Variants in DCTN5 observed in about 807,000 individuals in gnomAD.
DCTN5 encodes the protein dynactin subunit 5.
In DCTN5, 14 loss-of-function variants were observed where a neutral mutation model predicts 23.5. The observed-to-expected ratio is 0.60, with a 90% CI of 0.39 to 0.93. The LOEUF is 0.93. Among genes scored for constraint, DCTN5 ranks in the 40% least tolerant of loss-of-function variants. The pLI, the probability that DCTN5 is intolerant of heterozygous loss-of-function variation, is 0.00. For missense variants in DCTN5, 156 were observed against 225.9 expected (o/e 0.69, Z 1.98); for synonymous variants, 67 against 79.6 (o/e 0.84, Z 0.84).
rs1968006648 is a variant in DCTN5, at chr16:23,671,480, G to C, written c.*4336G>C. On this transcript the variant is annotated 3_prime_UTR_variant, in exon 6 of 6. Transcript: ENST00000300087. ...CACCCTTCCTTGTTTTGTATCTATG[G>C]GGTGCAAACATTTAATCCTCCCAAC... 1.3e-5 allele frequency: 2 copies of C among 152,112 alleles called. No individual in the cohort carries two copies. The highest frequency in any genetic ancestry group is 2.4e-5 in the African/African-American group (1 of 41,414). 9.4% of individuals were successfully genotyped at this position (152,112 alleles called of 1,614,324 possible).
chr16:23,644,615 T>C (rs984468936), intron 2 of DCTN5, among the ~76,000 whole-genome samples: 3 of 151,684 alleles, frequency 2.0e-5, no homozygotes, highest in Admixed American at 6.6e-5. Flanking sequence ...TTTGTATTTT[T>C]AGTAGAGACA....
rs1968075263 is a variant in DCTN5, at chr16:23,675,665, A to C, written c.*8521A>C. 1 of 152,190 alleles carries C rather than the reference A, an allele frequency of 6.6e-6. No homozygotes were observed. The highest frequency in any genetic ancestry group is 2.1e-4 in the South Asian group (1 of 4,826). 9.4% of individuals were successfully genotyped at this position (152,190 alleles called of 1,614,324 possible). A position where few individuals can be genotyped will look rare whatever the true frequency, so the allele number is the denominator to read the frequency against. Reference sequence around the variant, plus strand: ...TTTTGTAATATTGGAGAAAATAATTAAAGCCTGGCACCTGGGGAGGCTTGA... The same window carrying C: ...TTTTGTAATATTGGAGAAAATAATTCAAGCCTGGCACCTGGGGAGGCTTGA... On this transcript the variant is annotated 3_prime_UTR_variant, in exon 6 of 6. Coordinates refer to ENST00000300087, the MANE Select transcript of DCTN5 (RefSeq NM_032486.4).
chr16:23,642,828 T>C, intron 1 of DCTN5, 127 bp from the exon 2 acceptor site: 1 of 749,832 alleles, frequency 1.3e-6, no homozygotes, highest in South Asian at 1.6e-5. Context: ...TATCCTGGAC[T>C]CACTCCATTG....
chr16:23,645,127 A>ATT (rs1967421100), intron 2 of DCTN5, among the ~76,000 whole-genome samples: 1 of 27,118 alleles, frequency 3.7e-5, no homozygotes, highest in African/African-American at 2.0e-4. Flanking sequence ...ATATATATAT[A>ATT]TATATATATA....
chr16:23,647,764 T>A (rs145094945), intron 2 of DCTN5, among the ~76,000 whole-genome samples: 202 of 152,290 alleles, frequency 1.3e-3, no homozygotes, highest in Non-Finnish European at 2.5e-3. Context: ...TGCCTCAGCC[T>A]CCCAAAGTGC....
chr16:23,648,344 CTTTTTTTTTTTT>C lies in DCTN5; in HGVS notation c.117+5332_117+5343del, dbSNP rs960786045. On this transcript the variant is annotated intron_variant, in intron 2 of 5. Transcript: ENST00000300087. Reference sequence around the variant, plus strand: ...GCTGGCTAATTTTTTTTTCTTTTTTCTTTTTTTTTTTTTTTTTTTTTTAGAGACACAGTCTCG... The same window carrying C: ...GCTGGCTAATTTTTTTTTCTTTTTTCTTTTTTTTTTAGAGACACAGTCTCG... Among the ~76,000 whole-genome samples, 5 of 105,524 alleles carry C rather than the reference CTTTTTTTTTTTT, an allele frequency of 4.7e-5. No homozygotes were observed. In the East Asian group the frequency reaches 7.9e-4, roughly 17 times the overall value. 69.2% of individuals were successfully genotyped at this position (105,524 alleles called of 152,430 possible).
chr16:23,669,449 T>C lies in DCTN5; in HGVS notation c.*2305T>C, dbSNP rs1206930876. On this transcript the variant is annotated 3_prime_UTR_variant, in exon 6 of 6. Transcript: ENST00000300087. ...AGCTCCCCTTTGCTGACAGAACTGCTGGATTTGGTTCTCATTGGTCCAGAC... is the reference window on the plus strand; with the variant it reads ...AGCTCCCCTTTGCTGACAGAACTGCCGGATTTGGTTCTCATTGGTCCAGAC... The C allele has an allele frequency of 6.6e-6, 1 of 152,366 alleles. No homozygotes were observed. Among genetic ancestry groups the C allele is most frequent in the Non-Finnish European group, 1.5e-5 (1 of 68,156 alleles). The allele number at this position is 152,366 out of a possible 1,614,324, so 9.4% of individuals were successfully genotyped here. A position where few individuals can be genotyped will look rare whatever the true frequency, so the allele number is the denominator to read the frequency against.
chr16:23,641,910 C>T (rs925351730), intron 1 of DCTN5, among the ~76,000 whole-genome samples: 2 of 152,004 alleles, frequency 1.3e-5, no homozygotes, highest in Non-Finnish European at 2.9e-5. Context: ...TGTTAACTTG[C>T]GCTAAAAACG....
At chr16:23,649,837 C>CAA (rs1175500177) in intron 2 of DCTN5, among the ~76,000 whole-genome samples, 42 of 55,672 alleles carry the variant, frequency 7.5e-4, no homozygotes, top group Middle Eastern at 8.9e-3. Flanking sequence ...GACTCTGTCT[C>CAA]AAAAAAAAAA....
intron 2 of DCTN5, among the ~76,000 whole-genome samples, chr16:23,658,234 T>C (rs1967746530): frequency 6.6e-6 from 1 of 152,212 alleles, no homozygotes; most frequent in Non-Finnish European, 1.5e-5. Context: ...AGATCTGCTA[T>C]AGGTGTTCTC....
intron 2 of DCTN5, among the ~76,000 whole-genome samples, chr16:23,646,282 G>A (rs896564644): frequency 2.6e-5 from 4 of 151,978 alleles, no homozygotes; most frequent in African/African-American, 9.7e-5. Context: ...ATATTGTGTT[G>A]TCTTTTTCTT....
In DCTN5 at chr16:23,658,444, ACT is replaced by A. The variant is rs1280823018; in HGVS notation, c.118-60_118-59del. ...ACTCAGAATCAGTATCTCGTTATCT[ACT>A]CTTTTTTTGTTACGTCTTAGGCTAT... On this transcript the variant is annotated intron_variant, in intron 2 of 5. Transcript: ENST00000300087. 4.3e-5 allele frequency: 44 copies of A among 1,031,178 alleles called. No individual in the cohort carries two copies. In the African/African-American group the frequency reaches 6.6e-4, roughly 16 times the overall value. 63.9% of individuals were successfully genotyped at this position (1,031,178 alleles called of 1,614,324 possible). A position where few individuals can be genotyped will look rare whatever the true frequency, so the allele number is the denominator to read the frequency against.
chr16:23,665,713 T>G lies in DCTN5; in HGVS notation c.436T>G (p.Phe146Val), dbSNP rs1196410444. ...PETVVPPFTVFSGCPGLFSGE... is the reference protein window; with the variant it reads ...PETVVPPFTVVSGCPGLFSGE... ...AACTGTGGTTCCACCATTCACTGTC[T>G]TCTCAGGCTGCCCAGGTAACCTTGG... The change falls in exon 5 of 6, where the codon TTC (phenylalanine) becomes GTC (valine). Residue 146 changes from phenylalanine (F) to valine (V), a missense_variant. Around this residue, in one of 2 missense-constraint regions of DCTN5, gnomAD observed 153 missense variants for 206.8 expected, o/e 0.74. Coordinates refer to ENST00000300087, the MANE Select transcript of DCTN5 (RefSeq NM_032486.4). The G allele has an allele frequency of 6.2e-7, 1 of 1,613,880 alleles. No individual in the cohort carries two copies. Among genetic ancestry groups the G allele is most frequent in the Non-Finnish European group, 8.5e-7 (1 of 1,179,894 alleles).
chr16:23,656,989 C>CAAAA (rs35192089), intron 2 of DCTN5, among the ~76,000 whole-genome samples: 1 of 113,660 alleles, frequency 8.8e-6, no homozygotes, highest in African/African-American at 3.2e-5. Context: ...GACTCCATCT[C>CAAAA]AAAAAAAAAA....
chr16:23,656,572 A>T (rs1272650051), intron 2 of DCTN5, among the ~76,000 whole-genome samples: 1 of 152,214 alleles, frequency 6.6e-6, no homozygotes, highest in Non-Finnish European at 1.5e-5. Flanking sequence ...ATTGCCTAAT[A>T]GGGTCCTTAT....
At chr16:23,665,442 C>G (rs1597125885) in intron 4 of DCTN5, among the ~76,000 whole-genome samples, 184 bp from the exon 5 acceptor site, 1 of 152,224 alleles carries the variant, frequency 6.6e-6, no homozygotes, top group South Asian at 2.1e-4. Context: ...GAAATGTACA[C>G]AAACACACAC....
At position 23,661,212 on chromosome 16, in the gene DCTN5, T is replaced by C; in HGVS notation, c.279T>C (p.Ile93=). 2 of 1,613,168 alleles carry C rather than the reference T, an allele frequency of 1.2e-6. No homozygotes were observed. The highest frequency in any genetic ancestry group is 2.2e-5 in the East Asian group (1 of 44,868). The change falls in exon 4 of 6, where the codon ATT becomes ATC. Residue 93 remains isoleucine (I), a synonymous_variant. Coordinates refer to ENST00000300087, the MANE Select transcript of DCTN5 (RefSeq NM_032486.4). Reference sequence around the variant, plus strand: ...TACATATTGGAGACCATGTCTTTATTGAGGAAGATTGTGTGGTCAACGCAG... The same window carrying C: ...TACATATTGGAGACCATGTCTTTATCGAGGAAGATTGTGTGGTCAACGCAG... ...FPLHIGDHVF[I]EEDCVVNAAQ...
At chr16:23,653,759 C>T (rs1477056846) in intron 2 of DCTN5, among the ~76,000 whole-genome samples, 4 of 152,194 alleles carry the variant, frequency 2.6e-5, no homozygotes, top group South Asian at 2.1e-4. Flanking sequence ...ACAGGGTAAA[C>T]AGACATCCTA....
chr16:23,647,300 G>A (rs1449756290), intron 2 of DCTN5, among the ~76,000 whole-genome samples: 2 of 151,900 alleles, frequency 1.3e-5, no homozygotes, highest in African/African-American at 2.4e-5. Flanking sequence ...GCTAGAGACA[G>A]GGTTTTGCCA....
Sources: gnomAD v4.1 joint callset for allele counts (sites outside exome capture counted in the v4.1 genomes callset) on GRCh38, gnomAD v4.1.1 for gene constraint, gnomAD v4.1.1 regional missense constraint, MANE v1.5 for transcripts, NCBI Gene and HGNC (gene_info 2026-07-23, HGNC 2026-07-21) for gene names.